The following COL4A2 variants were observed in gnomAD, a reference collection of about 807,000 sequenced individuals.
COL4A2 encodes the protein collagen type IV alpha 2 chain, also known as collagen alpha-2(IV) chain.
Under a neutral mutation model 200.2 loss-of-function variants are expected in COL4A2, and 99 were observed. That is an observed-to-expected ratio of 0.49 (90% CI 0.42 to 0.58). The LOEUF (loss-of-function observed/expected upper bound fraction) is 0.58. COL4A2 is among the 20% of genes least tolerant of loss of function. The pLI is 0.00. For synonymous variants in COL4A2, 897 were observed against 900.6 expected, an observed-to-expected ratio of 1.00 and a Z score of 0.07; for missense variants, 1,950 against 2,314.1, an observed-to-expected ratio of 0.84 and a Z score of 3.23.
chr13:110,493,354 C>T, intron 39 of COL4A2, 72 bp downstream of exon 39: 5 of 1,501,668 alleles, frequency 3.3e-6, no homozygotes, highest in Non-Finnish European at 2.8e-6. Flanking sequence ...CTGAGTCTGC[C>T]CTCCAGACTT....
chr13:110,339,728 A>G (rs1050512535), intron 3 of COL4A2, among the ~76,000 whole-genome samples: 3 of 152,368 alleles, frequency 2.0e-5, no homozygotes, highest in Non-Finnish European at 4.4e-5. Context: ...AATACCTGGG[A>G]CCATAATAGA....
At chr13:110,482,984 A>G (rs1183293410) in intron 32 of COL4A2, among the ~76,000 whole-genome samples, 1 of 152,126 alleles carries the variant, frequency 6.6e-6, no homozygotes, top group Non-Finnish European at 1.5e-5. Context: ...GGGCGGTGAA[A>G]AGCAGGGGAC....
chr13:110,458,687 G>A, intron 21 of COL4A2, 84 bp from the exon 22 acceptor site: 1 of 1,557,640 alleles, frequency 6.4e-7, no homozygotes, highest in Admixed American at 1.7e-5. Context: ...GTGCCACCCA[G>A]CTCTCCCCGC....
rs1486999312 is a variant in COL4A2, at chr13:110,446,723, C to G, written c.1012-75C>G. On this transcript the variant is annotated intron_variant, in intron 17 of 47. Transcript: ENST00000360467. ...CTGACGGTCCACGCTCGGGTTTCTT[C>G]TTTGGAAATATGTGTACTGTCAAAA... 3.8e-6 allele frequency: 5 copies of G among 1,330,206 alleles called. No homozygotes were observed. In the African/African-American group the frequency reaches 5.8e-5, roughly 15 times the overall value. The allele number at this position is 1,330,206 out of a possible 1,614,324, so 82.4% of individuals were successfully genotyped here.
intron 4 of COL4A2, among the ~76,000 whole-genome samples, chr13:110,367,950 A>T (rs1003440993): frequency 6.6e-6 from 1 of 152,230 alleles, no homozygotes; most frequent in Non-Finnish European, 1.5e-5. Flanking sequence ...GAAAGAGAGG[A>T]TTGAATAAGC....
chr13:110,479,074 G>A (rs894157939), intron 30 of COL4A2, among the ~76,000 whole-genome samples: 15 of 152,178 alleles, frequency 9.9e-5, no homozygotes, highest in East Asian at 1.9e-4. Context: ...CCCTATTGCC[G>A]CACTAGCCAC....
At chr13:110,467,287 G>T (rs376479900) in intron 27 of COL4A2, among the ~76,000 whole-genome samples, 191 bp downstream of exon 27, 1 of 152,248 alleles carries the variant, frequency 6.6e-6, no homozygotes, top group Non-Finnish European at 1.5e-5. Context: ...AGAAAAAGGA[G>T]TCTGGTAGCT....
intron 4 of COL4A2, among the ~76,000 whole-genome samples, chr13:110,402,492 G>C (rs1250671203): frequency 6.6e-6 from 1 of 152,188 alleles, no homozygotes; most frequent in Non-Finnish European, 1.5e-5. Context: ...TCTCGGGGCA[G>C]CCCCGCCTCC....
In COL4A2 at chr13:110,512,019, T is replaced by TC; in HGVS notation, c.4968dup (p.Glu1657ArgfsTer88). The TC allele has an allele frequency of 1.2e-6, 2 of 1,613,496 alleles. No individual in the cohort carries two copies. Among genetic ancestry groups the TC allele is most frequent in the Non-Finnish European group, 1.7e-6 (2 of 1,180,024 alleles). On this transcript the variant is annotated frameshift_variant, in exon 48 of 48. Coordinates refer to ENST00000360467, the MANE Select transcript of COL4A2 (RefSeq NM_001846.4). LOFTEE classifies it high-confidence loss of function. ...GAGGACTTCCGCGCCACACCATTCA[T>TC]CGAATGCAATGGAGGCCGCGGCACC...
At chr13:110,391,443 G>C (rs1878977841) in intron 4 of COL4A2, among the ~76,000 whole-genome samples, 1 of 152,220 alleles carries the variant, frequency 6.6e-6, no homozygotes, top group South Asian at 2.1e-4. Flanking sequence ...GCTGTTGCCA[G>C]TGTAAATGTT....
rs536643389 is a variant in COL4A2 at position 110,422,210 on chromosome 13, T to C, written c.181-2524T>C. ...GAGCTTCGTGGCATGGTATGTAATC[T>C]TAAGAAGGTTATAGTCTAGCATAGC... On this transcript the variant is annotated intron_variant, in intron 4 of 47. Coordinates refer to ENST00000360467, the MANE Select transcript of COL4A2 (RefSeq NM_001846.4). Among the ~76,000 whole-genome samples, 5 of 152,256 alleles carry C rather than the reference T, an allele frequency of 3.3e-5. No homozygotes were observed. In the East Asian group the frequency reaches 9.7e-4, roughly 29 times the overall value.
At chr13:110,416,913 T>C (rs765676556) in intron 4 of COL4A2, among the ~76,000 whole-genome samples, 6 of 152,220 alleles carry the variant, frequency 3.9e-5, no homozygotes, top group Non-Finnish European at 7.3e-5. Flanking sequence ...AGTATCACCA[T>C]CAGACAGACC....
chr13:110,370,756 T>A (rs1877969376), intron 4 of COL4A2, among the ~76,000 whole-genome samples: 1 of 152,234 alleles, frequency 6.6e-6, no homozygotes, highest in African/African-American at 2.4e-5. Flanking sequence ...CCTCTCTCCC[T>A]CTCTCCTACT....
intron 26 of COL4A2, among the ~76,000 whole-genome samples, chr13:110,466,762 C>T (rs1882255246): frequency 6.6e-6 from 1 of 152,216 alleles, no homozygotes; most frequent in Admixed American, 6.5e-5. Flanking sequence ...GGCTACTGCC[C>T]TGCAGGAGGG....
chr13:110,331,684 C>G (rs1875921148), intron 3 of COL4A2, among the ~76,000 whole-genome samples: 1 of 152,196 alleles, frequency 6.6e-6, no homozygotes, highest in Admixed American at 6.5e-5. Flanking sequence ...CAAACACCGA[C>G]TCAAAACCAC....
At chr13:110,359,613 C>T (rs1260643729) in intron 4 of COL4A2, among the ~76,000 whole-genome samples, 2 of 152,174 alleles carry the variant, frequency 1.3e-5, no homozygotes, top group South Asian at 4.1e-4. Flanking sequence ...CAGTTTCTAC[C>T]GTAGCCATTT....
intron 12 of COL4A2, among the ~76,000 whole-genome samples, chr13:110,435,918 G>A (rs764361919): frequency 1.4e-4 from 22 of 151,820 alleles, no homozygotes; most frequent in Non-Finnish European, 2.5e-4. Flanking sequence ...AACCAGTAGA[G>A]TAATACCTGT....
Position 110,357,516 on chromosome 13 carries a change from TG to T in COL4A2, c.149del (p.Gly50AlafsTer49). ...TGCCGTGTGGAGGAAGAGATTGCAG[TG>T]GGGGCTGCCAGTGCTACCCTGAGAA... ...DVPCGGRDCS[G>X]GCQCYPEKGG... On this transcript the variant is annotated frameshift_variant, in exon 4 of 48. Transcript: ENST00000360467. LOFTEE classifies it high-confidence loss of function. 1.3e-6 allele frequency: 2 copies of T among 1,593,710 alleles called. No individual in the cohort carries two copies. The highest frequency in any genetic ancestry group is 1.1e-5 in the South Asian group (1 of 87,938).
intron 3 of COL4A2, among the ~76,000 whole-genome samples, chr13:110,342,889 C>G (rs1334115363): frequency 1.3e-5 from 2 of 152,148 alleles, no homozygotes; most frequent in African/African-American, 4.8e-5. Context: ...CATCTTCTTG[C>G]AAACACTCCA....
Sources: allele counts gnomAD v4.1 joint callset (sites outside exome capture counted in the v4.1 genomes callset), GRCh38; gene constraint gnomAD v4.1.1; transcripts MANE v1.5; gene names NCBI Gene and HGNC (gene_info 2026-07-23, HGNC 2026-07-21).